SND1: variants seen among roughly 807,000 people sequenced by gnomAD.
SND1 encodes staphylococcal nuclease and tudor domain containing 1.
SND1 carries 38 observed loss-of-function variants against 121.7 expected under a neutral mutation model. The ratio of observed to expected loss-of-function variants is 0.31; its 90% CI spans 0.24 to 0.41. The LOEUF (loss-of-function observed/expected upper bound fraction) is 0.41. SND1 is among the 10% of genes least tolerant of loss of function. SND1 has a pLI of 1.00. For missense variants in SND1, 868 were observed against 1,184.6 expected (o/e 0.73, Z 3.92); for synonymous variants, 401 against 447.4 (o/e 0.90, Z 1.31).
intron 11 of SND1, among the ~76,000 whole-genome samples, chr7:127,840,809 G>A (rs1268695666): frequency 2.0e-5 from 3 of 152,142 alleles, no homozygotes; most frequent in Non-Finnish European, 4.4e-5. Flanking sequence ...GTATATCTTG[G>A]CTGTGGGCTA....
intron 15 of SND1, among the ~76,000 whole-genome samples, chr7:127,947,854 T>C (rs1801363793): frequency 6.6e-6 from 1 of 152,210 alleles, no homozygotes; most frequent in Non-Finnish European, 1.5e-5. Context: ...CATCAGTGAA[T>C]AGTATGGATT....
At chr7:127,909,177 A>G (rs571857868) in intron 14 of SND1, among the ~76,000 whole-genome samples, 32 of 152,292 alleles carry the variant, frequency 2.1e-4, no homozygotes, top group African/African-American at 7.2e-4. Context: ...CATCCTCTTC[A>G]GTCTTATTTC....
At chr7:127,962,094 T>G (rs1218421121) in intron 15 of SND1, among the ~76,000 whole-genome samples, 1 of 152,184 alleles carries the variant, frequency 6.6e-6, no homozygotes, top group Non-Finnish European at 1.5e-5. Flanking sequence ...TTGAGGTTAC[T>G]AAAAAGAAAA....
chr7:128,031,797 C>T (rs1468746558), intron 16 of SND1, among the ~76,000 whole-genome samples: 1 of 147,026 alleles, frequency 6.8e-6, no homozygotes, highest in Non-Finnish European at 1.5e-5. Flanking sequence ...CGCCGCTGCC[C>T]GGCCCCCGGC....
In SND1 at chr7:127,698,927, C is replaced by G. The variant is rs573908984; in HGVS notation, c.402C>G (p.Thr134=). ...CACTGGTTGCAGAGGGCTTAGCCACCCGGAGAGAAGGCATGAGAGCTAATA... is the reference window on the plus strand; with the variant it reads ...CACTGGTTGCAGAGGGCTTAGCCACGCGGAGAGAAGGCATGAGAGCTAATA... ...AESLVAEGLA[T]RREGMRANNP... The change falls in exon 4 of 24, where the codon ACC becomes ACG. Residue 134 remains threonine, a synonymous_variant. Coordinates refer to ENST00000354725, the MANE Select transcript of SND1 (RefSeq NM_014390.4). The G allele has an allele frequency of 6.2e-7, 1 of 1,613,478 alleles. No homozygotes were observed. The highest frequency in any genetic ancestry group is 1.3e-5 in the African/African-American group (1 of 74,854).
At chr7:127,877,998 T>TC (rs1324691595) in intron 12 of SND1, among the ~76,000 whole-genome samples, 9 of 152,178 alleles carry the variant, frequency 5.9e-5, no homozygotes, top group African/African-American at 1.9e-4. Flanking sequence ...TTCTTCTCTT[T>TC]CCCCTTCCCT....
intron 9 of SND1, chr7:127,718,508 A>G: frequency 1.8e-5 from 17 of 940,606 alleles, no homozygotes; most frequent in Non-Finnish European, 2.2e-5. Context: ...GCATGCACTC[A>G]CCCTTCCTAT....
chr7:127,679,061 C>T (rs1201064261), intron 1 of SND1: 1 of 152,220 alleles, frequency 6.6e-6, no homozygotes, highest in Non-Finnish European at 1.5e-5. Context: ...GACCCTTCAG[C>T]TCAATGACTT....
intron 17 of SND1, among the ~76,000 whole-genome samples, chr7:128,078,436 G>A (rs1199618586): frequency 1.3e-5 from 2 of 152,240 alleles, no homozygotes; most frequent in Non-Finnish European, 2.9e-5. Context: ...GCCACTTTGT[G>A]TATGGAGACA....
intron 12 of SND1, among the ~76,000 whole-genome samples, chr7:127,871,261 CAAT>C (rs1472677432): frequency 6.6e-6 from 1 of 152,164 alleles, no homozygotes; most frequent in Non-Finnish European, 1.5e-5. Context: ...TCTAAAATAA[CAAT>C]AATAAGTATG....
intron 16 of SND1, among the ~76,000 whole-genome samples, chr7:128,061,128 G>A (rs569762446): frequency 3.3e-5 from 5 of 152,310 alleles, no homozygotes; most frequent in South Asian, 2.1e-4. Context: ...GGGACTACCC[G>A]CTGCATCCTA....
Position 128,030,539 on chromosome 7 carries a change from G to A in SND1, c.1779+39483G>A, listed in dbSNP as rs779542013. On this transcript the variant is annotated intron_variant, in intron 16 of 23. Coordinates refer to ENST00000354725, the MANE Select transcript of SND1 (RefSeq NM_014390.4). ...GCCCGGCTGAGGCGGCAGCAGCGAT[G>A]GCTGCACACAGAATCCACACTTGCG... 6.2e-6 allele frequency: 10 copies of A among 1,613,314 alleles called. No individual in the cohort carries two copies. In the Admixed American group the frequency reaches 8.3e-5, roughly 13 times the overall value.
chr7:127,758,725 A>G (rs367668414), intron 10 of SND1, among the ~76,000 whole-genome samples: 3 of 152,200 alleles, frequency 2.0e-5, no homozygotes, highest in East Asian at 3.9e-4. Context: ...TGACATAGCA[A>G]TTTTCAAAGG....
chr7:127,673,436 C>T (rs1045451297), intron 1 of SND1, among the ~76,000 whole-genome samples: 4 of 152,000 alleles, frequency 2.6e-5, no homozygotes, highest in Admixed American at 6.6e-5. Flanking sequence ...CTTAGCCTCT[C>T]GAGTAGCTGG....
At chr7:127,969,592 C>T (rs118108526) in intron 15 of SND1, among the ~76,000 whole-genome samples, 2 of 152,122 alleles carry the variant, frequency 1.3e-5, no homozygotes, top group African/African-American at 2.4e-5. Context: ...GGCATGGTGG[C>T]GGGCACGTGT....
intron 16 of SND1, chr7:128,028,479 T>G: frequency 2.0e-4 from 75 of 366,256 alleles, no homozygotes; most frequent in East Asian, 2.9e-4. Flanking sequence ...CCCCACCCCC[T>G]TTAAATAGAA....
At chr7:127,895,676 G>A (rs1456344983) in intron 13 of SND1, among the ~76,000 whole-genome samples, 2 of 152,104 alleles carry the variant, frequency 1.3e-5, no homozygotes, top group African/African-American at 4.8e-5. Flanking sequence ...GAAGTGATTT[G>A]ACGATGCAGC....
At chr7:127,974,368 C>T (rs374725530) in intron 15 of SND1, among the ~76,000 whole-genome samples, 15 of 152,252 alleles carry the variant, frequency 9.9e-5, no homozygotes, top group African/African-American at 3.6e-4. Context: ...CTTGAAGATT[C>T]GTTCATGCTC....
intron 16 of SND1, among the ~76,000 whole-genome samples, chr7:128,033,708 A>ACC (rs1304245362): frequency 6.6e-6 from 1 of 151,994 alleles, no homozygotes; most frequent in Non-Finnish European, 1.5e-5. Context: ...TGTTTATTGA[A>ACC]CCCTTACTCT....
Sources: allele counts gnomAD v4.1 joint callset (sites outside exome capture counted in the v4.1 genomes callset), GRCh38; gene constraint gnomAD v4.1.1; transcripts MANE v1.5; gene names NCBI Gene and HGNC (gene_info 2026-07-23, HGNC 2026-07-21).